The following ZNF148 variants were observed in gnomAD, a reference collection of about 807,000 sequenced individuals.
ZNF148 encodes Beta-Enolase Repressor Factor-1.
Under a neutral mutation model 67.7 loss-of-function variants are expected in ZNF148, and 7 were observed. The ratio of observed to expected loss-of-function variants is 0.10; its 90% CI spans 0.06 to 0.19. The LOEUF is 0.19. Ranked by LOEUF, ZNF148 falls within the 10% of genes least tolerant of loss-of-function variation. ZNF148 has a pLI of 1.00. For synonymous variants in ZNF148, 333 were observed against 330.7 expected, an observed-to-expected ratio of 1.01 and a Z score of -0.08; for missense variants, 583 against 947.1, an observed-to-expected ratio of 0.62 and a Z score of 5.05.
At chr3:125,358,507 C>T (rs1402509297) in intron 1 of ZNF148, among the ~76,000 whole-genome samples, 1 of 152,214 alleles carries the variant, frequency 6.6e-6, no homozygotes, top group Non-Finnish European at 1.5e-5. Flanking sequence ...CCAACTTACA[C>T]AAATTTGCCC....
chr3:125,256,451 C>T (rs773047693), intron 7 of ZNF148, among the ~76,000 whole-genome samples: 41 of 151,810 alleles, frequency 2.7e-4, no homozygotes, highest in South Asian at 6.2e-4. Context: ...TCAAGGCGGG[C>T]GGATCACCTG....
chr3:125,243,037 A>G (rs1168384138), intron 7 of ZNF148, among the ~76,000 whole-genome samples: 1 of 152,216 alleles, frequency 6.6e-6, no homozygotes, highest in Non-Finnish European at 1.5e-5. Context: ...ATCTAGAATT[A>G]GAGGGAGGAG....
intron 7 of ZNF148, among the ~76,000 whole-genome samples, chr3:125,273,383 T>C (rs1937862583): frequency 6.6e-6 from 1 of 152,132 alleles, no homozygotes; most frequent in African/African-American, 2.4e-5. Flanking sequence ...GAGAACTGTA[T>C]ACATCTAAGA....
At chr3:125,245,000 T>C (rs779119410) in intron 7 of ZNF148, among the ~76,000 whole-genome samples, 7 of 152,166 alleles carry the variant, frequency 4.6e-5, no homozygotes, top group Admixed American at 1.3e-4. Flanking sequence ...TTTCTGCTTA[T>C]CTCATTCTAT....
intron 1 of ZNF148, among the ~76,000 whole-genome samples, chr3:125,331,467 G>A (rs545949467): frequency 3.9e-5 from 6 of 152,242 alleles, no homozygotes; most frequent in Admixed American, 1.3e-4. Context: ...ATACAAATTG[G>A]ACTTTTTCAA....
chr3:125,250,379 GGGAAT>G (rs1936786237), intron 7 of ZNF148, among the ~76,000 whole-genome samples: 1 of 152,138 alleles, frequency 6.6e-6, no homozygotes, highest in Non-Finnish European at 1.5e-5. Flanking sequence ...AACCAAGCCT[GGGAAT>G]CAACGCTGGC....
At chr3:125,344,809 T>C (rs1941875762) in intron 1 of ZNF148, 3 of 410,678 alleles carry the variant, frequency 7.3e-6, no homozygotes, top group South Asian at 6.5e-5. Flanking sequence ...TTTTAGCAGA[T>C]AGTTGGAAGA....
At chr3:125,355,707 T>A (rs1422049847) in intron 1 of ZNF148, among the ~76,000 whole-genome samples, 3 of 139,686 alleles carry the variant, frequency 2.1e-5, no homozygotes, top group Non-Finnish European at 4.6e-5. Flanking sequence ...CTCAACACAG[T>A]GAGACCCCAG....
chr3:125,313,619 C>T lies in ZNF148; in HGVS notation c.22G>A (p.Glu8Lys). The T allele has an allele frequency of 6.2e-7, 1 of 1,612,908 alleles. No homozygotes were observed. Among genetic ancestry groups the T allele is most frequent in the Non-Finnish European group, 8.5e-7 (1 of 1,178,952 alleles). ...CCGCCACATTTAAGAAACAATCCTT[C>T]CAGTTTGTCGTCAATGTTCATGCTT... MNIDDKL[E>K]GLFLKCGGID... Residue 8 changes from glutamate (E) to lysine (K), a missense_variant, in exon 4 of 9, where the codon GAA becomes AAA. Glu to Lys is a moderately conservative substitution (Grantham distance 56, BLOSUM62 1). This residue lies in a region of ZNF148 where 150 missense variants were observed against 202.5 expected (regional missense o/e 0.74). Transcript: ENST00000360647.
intron 1 of ZNF148, among the ~76,000 whole-genome samples, chr3:125,334,155 C>T (rs1461843492): frequency 6.6e-6 from 1 of 152,174 alleles, no homozygotes; most frequent in African/African-American, 2.4e-5. Flanking sequence ...TTAGCTACCA[C>T]CCTTCCGCTA....
Position 125,268,670 on chromosome 3 carries a change from G to T in ZNF148, c.667+9056C>A, listed in dbSNP as rs539237013. ...GGCAAAGAATTTATGACTAAGTCCC[G>T]CAATTGCAACAACAATGAAAACTGA... On this transcript the variant is annotated intron_variant, in intron 7 of 8. Coordinates refer to ENST00000360647, the MANE Select transcript of ZNF148 (RefSeq NM_021964.3). Among the ~76,000 whole-genome samples the T allele has an allele frequency of 7.9e-4, 120 of 152,174 alleles. 1 individual carries two copies. The highest frequency in any genetic ancestry group is 1.3e-3 in the Non-Finnish European group (88 of 67,970).
At chr3:125,367,213 A>G (rs2107793027) in intron 1 of ZNF148, among the ~76,000 whole-genome samples, 1 of 152,320 alleles carries the variant, frequency 6.6e-6, no homozygotes, top group East Asian at 1.9e-4. Context: ...GTTGACTCTT[A>G]TCCTTCAAAT....
At chr3:125,301,463 C>T (rs1344778104) in intron 4 of ZNF148, among the ~76,000 whole-genome samples, 1 of 152,168 alleles carries the variant, frequency 6.6e-6, no homozygotes, top group Admixed American at 6.5e-5. Flanking sequence ...CACATGATGA[C>T]TTATACTTCA....
intron 7 of ZNF148, among the ~76,000 whole-genome samples, chr3:125,275,569 C>T (rs1454802723): frequency 6.6e-6 from 1 of 152,110 alleles, no homozygotes; most frequent in Non-Finnish European, 1.5e-5. Flanking sequence ...TTCTTACTAC[C>T]TCCTCATCTA....
chr3:125,262,110 A>G (rs758400525), intron 7 of ZNF148, among the ~76,000 whole-genome samples: 45 of 152,190 alleles, frequency 3.0e-4, no homozygotes, highest in Admixed American at 2.0e-4. Flanking sequence ...GCTGATCTGC[A>G]ATGAGATTTT....
chr3:125,371,382 G>A (rs1363372023), intron 1 of ZNF148, among the ~76,000 whole-genome samples: 1 of 134,936 alleles, frequency 7.4e-6, no homozygotes, highest in Non-Finnish European at 1.6e-5. Context: ...AGGGGGGGGG[G>A]GGGGCAGGGC....
chr3:125,333,535 A>AT (rs35210971), intron 1 of ZNF148, among the ~76,000 whole-genome samples: 116,718 of 151,542 alleles, frequency 0.77, 45,476 homozygotes, highest in African/African-American at 0.85. Flanking sequence ...TCAACCAAGA[A>AT]GGGGGGAAGA....
rs1385104392 is a variant in ZNF148 at position 125,233,522 on chromosome 3, T to C, written c.1204A>G (p.Lys402Glu). ...LKKINSKRSL[K>E]QPLEQNQTIS... ...GTTTGATTTTGCTCCAGTGGCTGTT[T>C]CAGACTTCTCTTACTATTAATTTTT... Residue 402 changes from lysine to glutamate, a missense_variant, in exon 9 of 9, where the codon AAA (lysine) becomes GAA (glutamate). Lys to Glu is a moderately conservative substitution (Grantham distance 56). This residue lies in a region of ZNF148 where 172 missense variants were observed against 307.7 expected (regional missense o/e 0.56). Transcript: ENST00000360647. This position sits in a 1 kb window ranked among gnomAD's most constrained non-coding sequence, Gnocchi z 5.1. 1 of 1,613,906 alleles carries C rather than the reference T, an allele frequency of 6.2e-7. No homozygotes were observed.
In ZNF148 at chr3:125,231,626, T is replaced by C. The variant is rs1412112180; in HGVS notation, c.*715A>G. ...ACAAAGAAACTGACACCAATATGCA[T>C]ACTTCCATAGAGAAGTGACTGCTTC... On this transcript the variant is annotated 3_prime_UTR_variant, in exon 9 of 9. Transcript: ENST00000360647. 1 of 152,538 alleles carries C rather than the reference T, an allele frequency of 6.6e-6. No homozygotes were observed. Among genetic ancestry groups the C allele is most frequent in the Non-Finnish European group, 1.5e-5 (1 of 67,974 alleles). 9.4% of individuals were successfully genotyped at this position (152,538 alleles called of 1,614,324 possible).
Sources: allele counts gnomAD v4.1 joint callset (sites outside exome capture counted in the v4.1 genomes callset), GRCh38; gene constraint gnomAD v4.1.1; regional missense constraint gnomAD v4.1.1; non-coding constraint Gnocchi (gnomAD v3.1); transcripts MANE v1.5; gene names NCBI Gene and HGNC (gene_info 2026-07-23, HGNC 2026-07-21).